The following RPS20 variants were observed in gnomAD, a reference collection of about 807,000 sequenced individuals.
RPS20 encodes the protein small ribosomal subunit protein uS10.
RPS20 carries 3 observed loss-of-function variants against 15.3 expected under a neutral mutation model. That is an observed-to-expected ratio of 0.20 (90% confidence interval 0.09 to 0.51). RPS20 has a LOEUF of 0.51. Ranked by LOEUF, RPS20 falls within the 20% of genes least tolerant of loss-of-function variation. The probability of loss-of-function intolerance (pLI) is 0.96; values close to 1 mark genes in which losing one functional copy is unlikely to be tolerated. For missense variants in RPS20, 67 were observed against 145.9 expected (o/e 0.46, Z 2.79); for synonymous variants, 62 against 47.8 (o/e 1.30, Z -1.23).
In RPS20 at chr8:56,074,040, C is replaced by T. The variant is rs770646504; in HGVS notation, c.103+20G>A. On this transcript the variant is annotated intron_variant, in intron 2 of 3. Coordinates refer to ENST00000009589, the MANE Select transcript of RPS20 (RefSeq NM_001023.4). ...TTTTCGCCCAATTCCCCCTCCCCCC[C>T]GCATAACGAATGCACTGACCCTTTT... 2 of 1,588,870 alleles carry T rather than the reference C, an allele frequency of 1.3e-6. No homozygotes were observed. The highest frequency in any genetic ancestry group is 3.3e-5 in the Admixed American group (2 of 59,992).
downstream of RPS20, chr8:56,072,799 A>T: frequency 6.9e-6 from 7 of 1,014,230 alleles, no homozygotes; most frequent in Non-Finnish European, 8.4e-6. Context: ...ACGCCCCAGA[A>T]ACCTTAACAC....
downstream of RPS20, among the ~76,000 whole-genome samples, chr8:56,071,380 T>C (rs1809751521): frequency 6.6e-6 from 1 of 152,234 alleles, no homozygotes; most frequent in African/African-American, 2.4e-5. Flanking sequence ...CATTTTAAAA[T>C]GGTCTTATTA....
chr8:56,073,603 T>G, intron 3 of RPS20, 92 bp downstream of exon 3: 1 of 1,022,120 alleles, frequency 9.8e-7, no homozygotes, highest in Non-Finnish European at 1.6e-6. Context: ...GCATCAGTGT[T>G]AACAATTTTG....
chr8:56,073,407 GGTACCAT>G, intron 3 of RPS20, 135 bp from the exon 4 acceptor site: 1 of 694,380 alleles, frequency 1.4e-6, no homozygotes, highest in Non-Finnish European at 2.4e-6. Flanking sequence ...TAGATTTTCA[GGTACCAT>G]GGGTTGAAAA....
downstream of RPS20, among the ~76,000 whole-genome samples, chr8:56,072,189 T>C (rs1809782445): frequency 6.6e-6 from 1 of 152,296 alleles, no homozygotes; most frequent in East Asian, 1.9e-4. Flanking sequence ...ATCACACCAC[T>C]GCACTCCAGC....
chr8:56,069,964 GTAATC>G (rs1585719181), downstream of RPS20: 10 of 658,262 alleles, frequency 1.5e-5, no homozygotes, highest in East Asian at 2.7e-4. Context: ...GGTATTACAA[GTAATC>G]TAGAGATGAC....
intron 2 of RPS20, 98 bp downstream of exon 2, chr8:56,073,960 CTT>C: frequency 4.2e-6 from 5 of 1,181,476 alleles, no homozygotes; most frequent in Non-Finnish European, 6.4e-6. Context: ...TAACTTGTCA[CTT>C]TAGTTCTTGC....
At chr8:56,070,362 G>A (rs887568273), downstream of RPS20, among the ~76,000 whole-genome samples, 2 of 152,174 alleles carry the variant, frequency 1.3e-5, no homozygotes, top group African/African-American at 4.8e-5. Context: ...CATGGCTAGA[G>A]ATTCTACTTC....
rs778722919 is a variant in RPS20, at chr8:56,074,041, G to A, written c.103+19C>T. On this transcript the variant is annotated intron_variant, in intron 2 of 3. Coordinates refer to ENST00000009589, the MANE Select transcript of RPS20 (RefSeq NM_001023.4). ...TTTCGCCCAATTCCCCCTCCCCCCC[G>A]CATAACGAATGCACTGACCCTTTTC... 2.6e-6 allele frequency: 4 copies of A among 1,568,192 alleles called. No homozygotes were observed. The highest frequency in any genetic ancestry group is 2.2e-5 in the East Asian group (1 of 44,620).
chr8:56,072,976 A>G, downstream of RPS20: 7 of 1,461,312 alleles, frequency 4.8e-6, no homozygotes, highest in South Asian at 1.4e-5. Flanking sequence ...CATATATTCC[A>G]CCTGAAAAGT....
downstream of RPS20, chr8:56,072,933 CAACGAA>C: frequency 7.2e-7 from 1 of 1,379,666 alleles, no homozygotes; most frequent in African/African-American, 1.4e-5. Flanking sequence ...ACTCAAACGA[CAACGAA>C]AACAGGATAG....
At chr8:56,073,505 G>A (rs1242418027) in intron 3 of RPS20, 190 bp downstream of exon 3, 5 of 648,410 alleles carry the variant, frequency 7.7e-6, no homozygotes, top group Non-Finnish European at 1.4e-5. Flanking sequence ...CAAGAACACA[G>A]CAACAATAAT....
At chr8:56,069,859 A>C, downstream of RPS20, 1 of 1,230,452 alleles carries the variant, frequency 8.1e-7, no homozygotes, top group South Asian at 1.3e-5. Context: ...ATTCAGAAAA[A>C]AAATTGTCTC....
rs2976044 is a variant in RPS20, at chr8:56,074,178, A to G, written c.4-19T>C. On this transcript the variant is annotated intron_variant, in intron 1 of 3. Transcript: ENST00000009589. ...TAAAAGCCTATTATTAGATACATGA[A>G]AAAGAACAATAAGCCAAAAATGGTC... is the stretch of plus-strand genomic sequence containing the variant. 0.21 allele frequency: 341,338 copies of G among 1,599,054 alleles called. 39,610 individuals are homozygous for G. Among genetic ancestry groups the G allele is most frequent in the African/African-American group, 0.34 (25,242 of 74,806 alleles).
exon 6 of RPS20, chr8:56,068,019 G>C (rs377466025): frequency 6.6e-6 from 1 of 152,308 alleles, no homozygotes; most frequent in East Asian, 1.9e-4. Context: ...ACTAGAAAAT[G>C]TATGAGTAAA....
downstream of RPS20, among the ~76,000 whole-genome samples, chr8:56,070,292 T>A (rs867177427): frequency 6.6e-5 from 10 of 152,312 alleles, no homozygotes; most frequent in Middle Eastern, 3.4e-3. Context: ...AGGCTCAAAG[T>A]CAAGTAACTT....
rs183325703 is a variant in RPS20 at position 56,074,503 on chromosome 8, A to C, written c.-120T>G. 14 of 1,113,596 alleles carry C rather than the reference A, an allele frequency of 1.3e-5. No homozygotes were observed. The highest frequency in any genetic ancestry group is 8.5e-5 in the South Asian group (6 of 70,222). 69.0% of individuals were successfully genotyped at this position (1,113,596 alleles called of 1,614,324 possible). ...GCCCTTACGACCGCGTCTTCCTCAA[A>C]AAGAAAGGGGTGGGACTTGAGCAAC... On this transcript the variant is annotated 5_prime_UTR_variant, in exon 1 of 4. Coordinates refer to ENST00000009589, the MANE Select transcript of RPS20 (RefSeq NM_001023.4).
At chr8:56,068,807 C>CTTTTTTTTTTTTTTTTTTTTTT (rs61576194), downstream of RPS20, among the ~76,000 whole-genome samples, 6 of 27,692 alleles carry the variant, frequency 2.2e-4, 2 homozygotes, top group African/African-American at 4.5e-4. Context: ...GTGAAAATAT[C>CTTTTTTTTTTTTTTTTTTTTTT]TTTTTTTTTT....
exon 6 of RPS20, chr8:56,067,950 A>T (rs1585717230): frequency 2.0e-5 from 3 of 152,226 alleles, no homozygotes; most frequent in Non-Finnish European, 4.4e-5. Flanking sequence ...GTTGCACAAC[A>T]GTATGAGTAT....
Sources: gnomAD v4.1 joint callset for allele counts (sites outside exome capture counted in the v4.1 genomes callset) on GRCh38, gnomAD v4.1.1 for gene constraint, MANE v1.5 for transcripts, NCBI Gene and HGNC (gene_info 2026-07-23, HGNC 2026-07-21) for gene names.